Variants in TEAD3 observed in about 807,000 individuals in gnomAD.
TEAD3 encodes transcriptional enhancer factor TEF-5.
Under a neutral mutation model 55.6 loss-of-function variants are expected in TEAD3, and 15 were observed. The ratio of observed to expected loss-of-function variants is 0.27; its 90% CI spans 0.18 to 0.42. The LOEUF (loss-of-function observed/expected upper bound fraction) is 0.42, where lower values mean the gene tolerates loss of function less well. Ranked by LOEUF, TEAD3 falls within the 10% of genes least tolerant of loss-of-function variation. TEAD3 has a pLI of 1.00. For missense variants in TEAD3, 407 were observed against 576.8 expected, an observed-to-expected ratio of 0.71 and a Z score of 3.01; for synonymous variants, 210 against 232.2, an observed-to-expected ratio of 0.90 and a Z score of 0.87.
In TEAD3 at chr6:35,486,375, GCCT is replaced by G; in HGVS notation, c.202+83_202+85del. The stretch of plus-strand genomic sequence containing the variant: ...AGACTCGCCCGGCCAGCGGCTGGCG[GCCT>G]CCGACGTCACCAAACCGGTTGGGTG... On this transcript the variant is annotated intron_variant, in intron 2 of 12. Coordinates refer to ENST00000639578, the Ensembl canonical transcript of TEAD3. This position sits in a 1 kb window ranked among gnomAD's most constrained non-coding sequence, Gnocchi z 7.3. 6.9e-7 allele frequency: 1 copy of G among 1,457,490 alleles called. No individual in the cohort carries two copies. Among genetic ancestry groups the G allele is most frequent in the South Asian group, 1.3e-5 (1 of 74,458 alleles). 90.3% of individuals were successfully genotyped at this position (1,457,490 alleles called of 1,614,324 possible).
rs1207409519 is a variant in TEAD3 at position 35,488,296 on chromosome 6, G to C, written c.-49-1585C>G. ...CCCCGCCCTGGCCCATCCTACATGT[G>C]GGCCAGGGCTCTGTAAACTGTGAGT... On this transcript the variant is annotated intron_variant, in intron 1 of 12. Transcript: ENST00000639578. This position sits in a 1 kb window ranked among gnomAD's most constrained non-coding sequence, Gnocchi z 4.2. Among the ~76,000 whole-genome samples, 1 of 152,018 alleles carries C rather than the reference G, an allele frequency of 6.6e-6. No homozygotes were observed. The highest frequency in any genetic ancestry group is 1.5e-5 in the Non-Finnish European group (1 of 68,012).
In TEAD3 at chr6:35,496,253, C is replaced by T. The variant is rs532085505; in HGVS notation, c.-50+645G>A. Among the ~76,000 whole-genome samples the T allele has an allele frequency of 1.2e-4, 19 of 152,334 alleles. 3 individuals are homozygous for T. The highest frequency in any genetic ancestry group is 4.3e-4 in the African/African-American group (18 of 41,570). ...CCCTCCGAGCCAAGCTCACAGCGCT[C>T]AGGGCTGGAACTCTGAATCAGCACC... On this transcript the variant is annotated intron_variant, in intron 1 of 12. Transcript: ENST00000639578. The surrounding 1 kb of genome is among the most constrained non-coding windows in gnomAD (Gnocchi z 4.8).
At chr6:35,480,488 A>C (rs2150912267) in intron 3 of TEAD3, 114 bp from the exon 4 acceptor site, 2 of 1,067,706 alleles carry the variant, frequency 1.9e-6, no homozygotes, top group Non-Finnish European at 1.4e-6. Flanking sequence ...AGGGAACTAC[A>C]TGTAAATGGG....
In TEAD3 at chr6:35,475,341, G is replaced by A. The variant is rs752774014; in HGVS notation, c.1189C>T (p.Leu397=). 3 of 1,613,596 alleles carry A rather than the reference G, an allele frequency of 1.9e-6. No individual in the cohort carries two copies. The highest frequency in any genetic ancestry group is 2.5e-6 in the Non-Finnish European group (3 of 1,179,638). Residue 397 remains leucine (L), a synonymous_variant, in exon 12 of 13, where the codon CTG becomes TTG. Coordinates refer to ENST00000639578, the Ensembl canonical transcript of TEAD3. The surrounding 1 kb of genome is among the most constrained non-coding windows in gnomAD (Gnocchi z 5.4). ...GACCCCTGCTGCCCCCATACCTGCA[G>A]GATGGTGAAGTTCTCCAGCACGCTG...
At chr6:35,476,113 G>A (rs1250127811) in intron 9 of TEAD3, 21 bp from the exon 10 acceptor site, 5 of 1,536,152 alleles carry the variant, frequency 3.3e-6, no homozygotes, top group African/African-American at 1.4e-5. Flanking sequence ...GGCCCAGACA[G>A]GGTCAGGAGA....
exon 13 of TEAD3, chr6:35,474,919 C>T: frequency 1.3e-6 from 1 of 765,006 alleles, no homozygotes; most frequent in South Asian, 1.9e-5. Flanking sequence ...GGGGAGGCCT[C>T]CTGGGTCCTG....
chr6:35,494,321 G>A (rs1413697401), intron 1 of TEAD3, among the ~76,000 whole-genome samples: 1 of 152,212 alleles, frequency 6.6e-6, no homozygotes, highest in Non-Finnish European at 1.5e-5. Context: ...GATGTGCAGG[G>A]GGATGAACCT....
intron 8 of TEAD3, 87 bp downstream of exon 8, chr6:35,477,224 C>A (rs910298920): frequency 2.1e-6 from 3 of 1,458,168 alleles, no homozygotes; most frequent in Non-Finnish European, 1.9e-6. Context: ...CCCCCTCCCT[C>A]CCAAAGCAAA....
intron 1 of TEAD3, among the ~76,000 whole-genome samples, chr6:35,492,009 G>GA (rs1768531947): frequency 6.6e-6 from 1 of 152,174 alleles, no homozygotes. Flanking sequence ...AGGAGGCACA[G>GA]AAAAAGCCAG....
chr6:35,487,294 C>A (rs1018333696), intron 1 of TEAD3, among the ~76,000 whole-genome samples: 3 of 152,106 alleles, frequency 2.0e-5, no homozygotes, highest in African/African-American at 7.2e-5. Context: ...TGGCACATGC[C>A]TATAATCCCA....
At chr6:35,487,422 C>T (rs1045718284) in intron 1 of TEAD3, among the ~76,000 whole-genome samples, 7 of 151,898 alleles carry the variant, frequency 4.6e-5, no homozygotes, top group African/African-American at 7.3e-5. Context: ...CATGGTGGCA[C>T]GCACTTGTAA....
Position 35,486,315 on chromosome 6 carries a change from C to T in TEAD3, c.202+146G>A. ...CCCGGCTTGTTTATGAGGAGGAGCG[C>T]GGAGGAGGATCCAGACACACAGGCT... On this transcript the variant is annotated intron_variant, in intron 2 of 12. Coordinates refer to ENST00000639578, the Ensembl canonical transcript of TEAD3. This position sits in a 1 kb window ranked among gnomAD's most constrained non-coding sequence, Gnocchi z 7.3. The T allele has an allele frequency of 1.0e-6, 1 of 980,272 alleles. No individual in the cohort carries two copies. Among genetic ancestry groups the T allele is most frequent in the South Asian group, 1.7e-5 (1 of 58,996 alleles). 60.7% of individuals were successfully genotyped at this position (980,272 alleles called of 1,614,324 possible). A position where few individuals can be genotyped will look rare whatever the true frequency, so the allele number is the denominator to read the frequency against.
rs772374927 is a variant in TEAD3, at chr6:35,475,043, C to T, written c.*1G>A. On this transcript the variant is annotated 3_prime_UTR_variant, in exon 13 of 13. Coordinates refer to ENST00000639578, the Ensembl canonical transcript of TEAD3. The surrounding 1 kb of genome is among the most constrained non-coding windows in gnomAD (Gnocchi z 5.4). ...ATCCTTAAGGAGGCGCAGAGGGCAC[C>T]CTAGTCTTTGACGAGCTTGTAGACA... 3.8e-6 allele frequency: 6 copies of T among 1,571,364 alleles called. No homozygotes were observed. In the Middle Eastern group the frequency reaches 5.0e-4, roughly 132 times the overall value.
At position 35,478,732 on chromosome 6, in the gene TEAD3, G is replaced by T. The variant is rs1332423181; in HGVS notation, c.343-161C>A. On this transcript the variant is annotated intron_variant, in intron 5 of 12. Transcript: ENST00000639578. ...AGCCCCAGCTCTGCTGTGTGATCTTGGGAGAGTCTCTGCACCTTCCTGGTC... is the reference window on the plus strand; with the variant it reads ...AGCCCCAGCTCTGCTGTGTGATCTTTGGAGAGTCTCTGCACCTTCCTGGTC... The T allele has an allele frequency of 3.0e-6, 3 of 1,010,870 alleles. No individual in the cohort carries two copies. In the East Asian group the frequency reaches 7.9e-5, roughly 27 times the overall value. The allele number at this position is 1,010,870 out of a possible 1,614,324, so 62.6% of individuals were successfully genotyped here. A position where few individuals can be genotyped will look rare whatever the true frequency, so the allele number is the denominator to read the frequency against.
Position 35,488,513 on chromosome 6 carries a change from G to T in TEAD3, c.-49-1802C>A, listed in dbSNP as rs1019894996. On this transcript the variant is annotated intron_variant, in intron 1 of 12. Coordinates refer to ENST00000639578, the Ensembl canonical transcript of TEAD3. The surrounding 1 kb of genome is among the most constrained non-coding windows in gnomAD (Gnocchi z 4.2). ...AGCTCTGGGCAGCAGGGAAAGGGGA[G>T]GGGTGGAGATGTAGGGGACACCGTC... 2.6e-5 allele frequency among the ~76,000 whole-genome samples: 4 copies of T among 152,054 alleles called. No individual in the cohort carries two copies. Among genetic ancestry groups the T allele is most frequent in the Non-Finnish European group, 4.4e-5 (3 of 68,014 alleles).
At chr6:35,493,650 TCACA>T (rs1379641995) in intron 1 of TEAD3, among the ~76,000 whole-genome samples, 2 of 152,208 alleles carry the variant, frequency 1.3e-5, no homozygotes, top group Non-Finnish European at 2.9e-5. Context: ...CACATGTAAG[TCACA>T]CACAGACAAA....
At chr6:35,479,759 G>C (rs933689547) in intron 4 of TEAD3, among the ~76,000 whole-genome samples, 3 of 152,260 alleles carry the variant, frequency 2.0e-5, no homozygotes, top group Non-Finnish European at 4.4e-5. Context: ...CTGCCGGCCA[G>C]TAGCCCCGGG....
chr6:35,489,266 T>C (rs1768453171), intron 1 of TEAD3, among the ~76,000 whole-genome samples: 1 of 152,168 alleles, frequency 6.6e-6, no homozygotes, highest in South Asian at 2.1e-4. Context: ...TCCTAGTTTA[T>C]AGATGAGGAA....
chr6:35,479,625 G>A (rs1467734196), intron 4 of TEAD3, among the ~76,000 whole-genome samples: 2 of 152,210 alleles, frequency 1.3e-5, no homozygotes, highest in East Asian at 3.8e-4. Context: ...CTGTGGGCAG[G>A]GAGAAGAGCA....
Sources: allele counts gnomAD v4.1 joint callset (sites outside exome capture counted in the v4.1 genomes callset), GRCh38; gene constraint gnomAD v4.1.1; non-coding constraint Gnocchi (gnomAD v3.1); transcripts MANE v1.5; gene names NCBI Gene and HGNC (gene_info 2026-07-23, HGNC 2026-07-21).